Variants in PDE8B observed in about 807,000 individuals in gnomAD.
The protein encoded by PDE8B is phosphodiesterase 8B, also known as high affinity cAMP-specific and IBMX-insensitive 3',5'-cyclic phosphodiesterase 8B.
PDE8B carries 26 observed loss-of-function variants against 101.3 expected under a neutral mutation model. The ratio of observed to expected loss-of-function variants is 0.26; its 90% CI spans 0.19 to 0.36. The LOEUF (loss-of-function observed/expected upper bound fraction) is 0.36, where lower values mean the gene tolerates loss of function less well. Among genes scored for constraint, PDE8B ranks in the 10% least tolerant of loss-of-function variants. PDE8B has a pLI of 1.00. For synonymous variants in PDE8B, 424 were observed against 429.3 expected (o/e 0.99, Z 0.15); for missense variants, 810 against 1,163.1 (o/e 0.70, Z 4.42).
At chr5:77,137,617 G>T in the PDE8B span, among the ~76,000 whole-genome samples, 6 of 152,284 alleles carry the variant, frequency 3.9e-5, no homozygotes, top group African/African-American at 1.4e-4. Context: ...TGGAATTCCA[G>T]TGTCAGCAAG....
chr5:77,091,910 C>T, the PDE8B span, among the ~76,000 whole-genome samples: 1 of 152,148 alleles, frequency 6.6e-6, no homozygotes, highest in Non-Finnish European at 1.5e-5. Flanking sequence ...GGCAAAGCAC[C>T]ATCTTAAGCC....
chr5:77,227,759 G>A (rs1277719832), intron 1 of PDE8B, among the ~76,000 whole-genome samples: 1 of 152,124 alleles, frequency 6.6e-6, no homozygotes, highest in African/African-American at 2.4e-5. Context: ...GGGGCAGACT[G>A]GTTCAGTTCA....
chr5:77,260,571 C>T (rs1323009926), intron 1 of PDE8B, among the ~76,000 whole-genome samples: 2 of 148,730 alleles, frequency 1.3e-5, no homozygotes, highest in Non-Finnish European at 3.0e-5. Flanking sequence ...TGATAATTTT[C>T]ACTGTGGCTC....
chr5:77,183,718 T>C, the PDE8B span, among the ~76,000 whole-genome samples: 1 of 152,198 alleles, frequency 6.6e-6, no homozygotes, highest in Non-Finnish European at 1.5e-5. Flanking sequence ...AGCAAAGAGA[T>C]TGACTCCTTT....
At chr5:77,128,965 C>T in the PDE8B span, among the ~76,000 whole-genome samples, 2 of 152,136 alleles carry the variant, frequency 1.3e-5, no homozygotes, top group Non-Finnish European at 2.9e-5. Context: ...AACGTCCTTC[C>T]CTTTACCCAG....
chr5:77,124,556 A>T, the PDE8B span, among the ~76,000 whole-genome samples: 1 of 152,014 alleles, frequency 6.6e-6, no homozygotes, highest in East Asian at 1.9e-4. Flanking sequence ...CACTCACTCC[A>T]GCCTGGGTGA....
chr5:77,133,963 T>A, the PDE8B span, among the ~76,000 whole-genome samples: 1 of 152,180 alleles, frequency 6.6e-6, no homozygotes. Context: ...TAGATACCTC[T>A]CCTGGCTTTA....
At chr5:77,290,989 T>C (rs1307692210) in intron 1 of PDE8B, 1 of 1,611,966 alleles carries the variant, frequency 6.2e-7, no homozygotes, top group South Asian at 1.1e-5. Context: ...CGAGTGAACC[T>C]GCTGTCCTTC....
chr5:77,151,825 G>T, the PDE8B span: 1 of 152,240 alleles, frequency 6.6e-6, no homozygotes, highest in African/African-American at 2.4e-5. Flanking sequence ...AGGGCGGTTT[G>T]TTTTGTTTTT....
At chr5:77,261,797 A>C (rs1232147850) in intron 1 of PDE8B, among the ~76,000 whole-genome samples, 2 of 152,156 alleles carry the variant, frequency 1.3e-5, no homozygotes, top group African/African-American at 2.4e-5. Context: ...GCCGGGCCTT[A>C]CTCCTGACTT....
chr5:77,393,318 C>T (rs149978510), intron 10 of PDE8B, among the ~76,000 whole-genome samples: 433 of 151,826 alleles, frequency 2.9e-3, no homozygotes, highest in African/African-American at 9.9e-3. Context: ...AGTTTGGACC[C>T]GGGAGGCAGA....
chr5:77,210,107 C>T (rs1258778953), upstream of PDE8B, among the ~76,000 whole-genome samples: 1 of 152,128 alleles, frequency 6.6e-6, no homozygotes, highest in African/African-American at 2.4e-5. This position sits in a 1 kb window ranked among gnomAD's most constrained non-coding sequence, Gnocchi z 4.9. Context: ...CCTGCCATTT[C>T]GGGAGGGGCC....
At chr5:77,242,267 C>T (rs961718026) in intron 1 of PDE8B, among the ~76,000 whole-genome samples, 2 of 152,186 alleles carry the variant, frequency 1.3e-5, no homozygotes, top group Non-Finnish European at 2.9e-5. Flanking sequence ...CTCCAAGAGA[C>T]CTCCCTGAGT....
chr5:77,316,408 A>T (rs1773776905), intron 2 of PDE8B, among the ~76,000 whole-genome samples: 2 of 151,804 alleles, frequency 1.3e-5, no homozygotes, highest in African/African-American at 4.8e-5. Context: ...TAATTTTTGT[A>T]TTTTCAGTAG....
intron 2 of PDE8B, among the ~76,000 whole-genome samples, chr5:77,317,291 T>C (rs1476959448): frequency 1.3e-5 from 2 of 152,262 alleles, no homozygotes; most frequent in Non-Finnish European, 2.9e-5. Flanking sequence ...AAAACTATTC[T>C]GTTGCTTCAC....
chr5:77,180,114 G>C, the PDE8B span, among the ~76,000 whole-genome samples: 6 of 152,182 alleles, frequency 3.9e-5, no homozygotes, highest in African/African-American at 1.4e-4. Context: ...CCCAAGAAAG[G>C]CTCCAGGTTT....
At chr5:77,152,651 G>T in the PDE8B span, among the ~76,000 whole-genome samples, 2 of 152,180 alleles carry the variant, frequency 1.3e-5, no homozygotes, top group Non-Finnish European at 2.9e-5. Flanking sequence ...TCATTTAGAG[G>T]AATGCAAGTC....
At chr5:77,193,189 T>C in the PDE8B span, among the ~76,000 whole-genome samples, 35,423 of 152,066 alleles carry the variant, frequency 0.23, 4,291 homozygotes, top group East Asian at 0.43. Context: ...TTGCAATTTA[T>C]CATGTTTTTC....
intron 2 of PDE8B, among the ~76,000 whole-genome samples, chr5:77,318,566 G>A (rs1426871036): frequency 5.3e-5 from 8 of 152,110 alleles, no homozygotes; most frequent in Non-Finnish European, 1.0e-4. Context: ...TTTCTCTAAC[G>A]GGTTATTGAG....
Sources: allele counts gnomAD v4.1 joint callset (sites outside exome capture counted in the v4.1 genomes callset), GRCh38; gene constraint gnomAD v4.1.1; non-coding constraint Gnocchi (gnomAD v3.1); transcripts MANE v1.5; gene names NCBI Gene and HGNC (gene_info 2026-07-23, HGNC 2026-07-21).